KIAA0825: variants seen among roughly 807,000 people sequenced by gnomAD.
KIAA0825 encodes KIAA0825, also known as uncharacterized protein KIAA0825.
KIAA0825 carries 119 observed loss-of-function variants against 147.6 expected under a neutral mutation model. The observed-to-expected ratio is 0.81, with a 90% CI of 0.69 to 0.94. The LOEUF (loss-of-function observed/expected upper bound fraction) is 0.94, where lower values mean the gene tolerates loss of function less well. Among genes scored for constraint, KIAA0825 ranks in the 40% least tolerant of loss-of-function variants. The pLI, the probability that KIAA0825 is intolerant of heterozygous loss-of-function variation, is 0.00. For synonymous variants in KIAA0825, 470 were observed against 518.1 expected, an observed-to-expected ratio of 0.91 and a Z score of 1.26; for missense variants, 1,381 against 1,472.7, an observed-to-expected ratio of 0.94 and a Z score of 1.02.
intron 20 of KIAA0825, among the ~76,000 whole-genome samples, chr5:94,304,426 G>C (rs1382117296): frequency 6.6e-6 from 1 of 152,014 alleles, no homozygotes; most frequent in African/African-American, 2.4e-5. Flanking sequence ...GGGGTGACCC[G>C]TATCAACTAG....
chr5:94,158,324 G>A (rs2149910249), intron 20 of KIAA0825, among the ~76,000 whole-genome samples: 1 of 152,200 alleles, frequency 6.6e-6, no homozygotes, highest in Non-Finnish European at 1.5e-5. Flanking sequence ...TTTACTATTT[G>A]GACTTTTTTT....
chr5:94,613,231 G>A (rs1254743453), intron 1 of KIAA0825, among the ~76,000 whole-genome samples: 1 of 152,102 alleles, frequency 6.6e-6, no homozygotes, highest in Non-Finnish European at 1.5e-5. Flanking sequence ...CCTTCACTCT[G>A]TCACCCAGGT....
rs1340338770 is a variant in KIAA0825 at position 94,153,453 on chromosome 5, G to C, written c.*554C>G. On this transcript the variant is annotated 3_prime_UTR_variant, in exon 21 of 21. Coordinates refer to ENST00000682413, the MANE Select transcript of KIAA0825 (RefSeq NM_001145678.3). ...GGAGGAAGACTGAAAACCACTACAA[G>C]CAGAGGTGTGACTAAAGTTATAGTT... 6.6e-6 allele frequency: 1 copy of C among 152,078 alleles called. No homozygotes were observed. Among genetic ancestry groups the C allele is most frequent in the Non-Finnish European group, 1.5e-5 (1 of 68,060 alleles). The allele number at this position is 152,078 out of a possible 1,614,324, so 9.4% of individuals were successfully genotyped here.
At chr5:94,584,184 T>C (rs1163187824) in intron 1 of KIAA0825, among the ~76,000 whole-genome samples, 2 of 152,054 alleles carry the variant, frequency 1.3e-5, no homozygotes, top group Non-Finnish European at 2.9e-5. Flanking sequence ...GGATGGAGAA[T>C]GAGTTTGAGG....
chr5:94,424,875 A>G (rs556635598), intron 14 of KIAA0825, among the ~76,000 whole-genome samples: 147 of 152,206 alleles, frequency 9.7e-4, no homozygotes, highest in Non-Finnish European at 1.8e-3. Flanking sequence ...TACAGCAACA[A>G]ATTGGAAGAC....
At chr5:94,346,760 G>A (rs760192753) in intron 20 of KIAA0825, among the ~76,000 whole-genome samples, 7 of 152,186 alleles carry the variant, frequency 4.6e-5, no homozygotes, top group Non-Finnish European at 1.0e-4. Flanking sequence ...ACAGGGAGAA[G>A]CAAATCTCTA....
At chr5:94,496,494 G>C (rs1424603214) in intron 5 of KIAA0825, among the ~76,000 whole-genome samples, 1 of 152,140 alleles carries the variant, frequency 6.6e-6, no homozygotes, top group Non-Finnish European at 1.5e-5. Context: ...GACACACAAA[G>C]GCAGAAACTG....
chr5:94,269,631 G>A (rs557387569), intron 20 of KIAA0825, among the ~76,000 whole-genome samples: 27 of 151,970 alleles, frequency 1.8e-4, no homozygotes, highest in South Asian at 6.2e-4. Context: ...ATGGAAACAC[G>A]ACATACCAAA....
intron 20 of KIAA0825, among the ~76,000 whole-genome samples, chr5:94,374,454 C>A (rs1226214463): frequency 6.6e-6 from 1 of 152,306 alleles, no homozygotes; most frequent in African/African-American, 2.4e-5. Context: ...CTCTCTCTGT[C>A]TTTGCTGTGG....
At chr5:94,363,764 A>T (rs1745410359) in intron 20 of KIAA0825, among the ~76,000 whole-genome samples, 1 of 151,974 alleles carries the variant, frequency 6.6e-6, no homozygotes, top group African/African-American at 2.4e-5. Context: ...GCTATTCAGG[A>T]GGCTGAGGCT....
intron 2 of KIAA0825, chr5:94,570,703 C>T (rs1002781883): frequency 6.6e-6 from 1 of 152,326 alleles, no homozygotes; most frequent in South Asian, 2.1e-4. Flanking sequence ...TAAACCAATA[C>T]ACCGGTCTTG....
chr5:94,211,652 G>A (rs1009797774), intron 20 of KIAA0825, among the ~76,000 whole-genome samples: 5 of 151,948 alleles, frequency 3.3e-5, no homozygotes, highest in Admixed American at 1.3e-4. Flanking sequence ...TCTATCTTCC[G>A]TATACTTTGT....
chr5:94,404,933 G>A (rs901792580), intron 15 of KIAA0825, among the ~76,000 whole-genome samples: 3 of 152,092 alleles, frequency 2.0e-5, no homozygotes, highest in Non-Finnish European at 4.4e-5. Context: ...GATATTTATG[G>A]TCTTTGTTAG....
intron 20 of KIAA0825, among the ~76,000 whole-genome samples, chr5:94,302,171 G>A (rs1210603505): frequency 1.3e-5 from 2 of 152,008 alleles, no homozygotes; most frequent in Non-Finnish European, 2.9e-5. Context: ...TCCAAATACA[G>A]TAGAGATAAA....
intron 1 of KIAA0825, among the ~76,000 whole-genome samples, chr5:94,599,883 A>C (rs1400888492): frequency 6.6e-6 from 1 of 152,218 alleles, no homozygotes; most frequent in African/African-American, 2.4e-5. Flanking sequence ...TTTAGGTTTT[A>C]GCAAGTTTAC....
intron 20 of KIAA0825, among the ~76,000 whole-genome samples, chr5:94,218,176 A>G (rs913814936): frequency 4.6e-5 from 7 of 152,218 alleles, no homozygotes; most frequent in Non-Finnish European, 7.3e-5. Flanking sequence ...TATTGGAGCA[A>G]TAATGACACT....
In KIAA0825 at chr5:94,528,960, A is replaced by G. The variant is rs567179946; in HGVS notation, c.132-4862T>C. Reference sequence around the variant, plus strand: ...AACTCCTTTGATTCTCTTTTTGGAGAAAGAGACAGTTAAAAAAAAGAGAGT... The same window carrying G: ...AACTCCTTTGATTCTCTTTTTGGAGGAAGAGACAGTTAAAAAAAAGAGAGT... On this transcript the variant is annotated intron_variant, in intron 3 of 20. Coordinates refer to ENST00000682413, the MANE Select transcript of KIAA0825 (RefSeq NM_001145678.3). Among the ~76,000 whole-genome samples the G allele has an allele frequency of 5.3e-5, 8 of 151,868 alleles. No homozygotes were observed. In the South Asian group the frequency reaches 1.7e-3, roughly 32 times the overall value.
At chr5:94,248,625 C>T (rs1775761852) in intron 20 of KIAA0825, among the ~76,000 whole-genome samples, 1 of 152,056 alleles carries the variant, frequency 6.6e-6, no homozygotes, top group Non-Finnish European at 1.5e-5. Context: ...AGTCCATAGA[C>T]CCCATTATTG....
chr5:94,201,442 C>T (rs905553779), intron 20 of KIAA0825, among the ~76,000 whole-genome samples: 1 of 152,018 alleles, frequency 6.6e-6, no homozygotes, highest in Non-Finnish European at 1.5e-5. Context: ...CGATCTTGCT[C>T]CGTCACCCAG....
Sources: gnomAD v4.1 joint callset for allele counts (sites outside exome capture counted in the v4.1 genomes callset) on GRCh38, gnomAD v4.1.1 for gene constraint, MANE v1.5 for transcripts, NCBI Gene and HGNC (gene_info 2026-07-23, HGNC 2026-07-21) for gene names.